The following CAMK1D variants were observed in gnomAD, a reference collection of about 807,000 sequenced individuals.
CAMK1D encodes calcium/calmodulin dependent protein kinase ID.
A neutral mutation model predicts 47.7 loss-of-function variants in CAMK1D; 9 were observed. The observed-to-expected ratio is 0.19, with a 90% CI of 0.11 to 0.33. CAMK1D has a LOEUF of 0.33. Ranked by LOEUF, CAMK1D falls within the 10% of genes least tolerant of loss-of-function variation. The pLI is 1.00. For missense variants in CAMK1D, 291 were observed against 488.7 expected, an observed-to-expected ratio of 0.60 and a Z score of 3.81; for synonymous variants, 184 against 184.9, an observed-to-expected ratio of 0.99 and a Z score of 0.04.
At chr10:12,825,549 CT>C (rs1170614584) in intron 9 of CAMK1D, 23 bp from the exon 10 acceptor site, 3 of 1,603,064 alleles carry the variant, frequency 1.9e-6, no homozygotes, top group Admixed American at 1.7e-5. Context: ...TATTTGTCTG[CT>C]TTTTTCCTTT....
At chr10:12,562,830 G>C (rs1045172333) in intron 2 of CAMK1D, among the ~76,000 whole-genome samples, 1 of 152,166 alleles carries the variant, frequency 6.6e-6, no homozygotes, top group African/African-American at 2.4e-5. Context: ...AGGCAACATG[G>C]TGGGAATGGA....
intron 2 of CAMK1D, among the ~76,000 whole-genome samples, chr10:12,645,537 G>T (rs1839788409): frequency 6.6e-6 from 1 of 152,206 alleles, no homozygotes; most frequent in African/African-American, 2.4e-5. Context: ...CCTGCCGTTT[G>T]CCTGCTCTCC....
At chr10:12,693,056 C>A (rs1832992795) in intron 3 of CAMK1D, among the ~76,000 whole-genome samples, 1 of 152,096 alleles carries the variant, frequency 6.6e-6, no homozygotes, top group Admixed American at 6.6e-5. Flanking sequence ...CTAATCCTAT[C>A]AGTTGAGGTC....
At chr10:12,780,015 C>A (rs1022004413) in intron 5 of CAMK1D, among the ~76,000 whole-genome samples, 2 of 152,262 alleles carry the variant, frequency 1.3e-5, no homozygotes, top group Middle Eastern at 3.4e-3. Flanking sequence ...TATCTTTGGT[C>A]TAACTCGGCC....
chr10:12,785,474 T>C (rs1351984713), intron 5 of CAMK1D, among the ~76,000 whole-genome samples: 1 of 152,196 alleles, frequency 6.6e-6, no homozygotes, highest in African/African-American at 2.4e-5. Flanking sequence ...TTCTGCTGCA[T>C]ACGATTAGAA....
intron 1 of CAMK1D, among the ~76,000 whole-genome samples, chr10:12,350,846 ATC>A (rs1837333686): frequency 6.6e-6 from 1 of 152,196 alleles, no homozygotes; most frequent in African/African-American, 2.4e-5. Flanking sequence ...CTGCATCAGT[ATC>A]TGTCAGTGTG....
At chr10:12,437,323 C>G (rs1451553370) in intron 1 of CAMK1D, among the ~76,000 whole-genome samples, 6 of 152,098 alleles carry the variant, frequency 3.9e-5, no homozygotes, top group African/African-American at 1.4e-4. Flanking sequence ...TCCCAAGTAG[C>G]TGGGATTACC....
intron 1 of CAMK1D, among the ~76,000 whole-genome samples, chr10:12,482,665 T>C (rs1201776661): frequency 2.0e-5 from 3 of 152,184 alleles, no homozygotes; most frequent in African/African-American, 4.8e-5. Flanking sequence ...ACATTTGCAT[T>C]GATACCTACT....
chr10:12,547,971 C>A (rs188992689), intron 1 of CAMK1D, among the ~76,000 whole-genome samples: 15 of 152,318 alleles, frequency 9.8e-5, no homozygotes, highest in South Asian at 4.1e-4. Flanking sequence ...GGCAGCTCAT[C>A]TGACGACAGG....
chr10:12,710,575 G>A (rs1456198735), intron 3 of CAMK1D, among the ~76,000 whole-genome samples: 1 of 152,056 alleles, frequency 6.6e-6, no homozygotes, highest in Non-Finnish European at 1.5e-5. Context: ...GACTTCTTTC[G>A]GGCTCAGGTC....
At chr10:12,670,268 T>C (rs1232245727) in intron 3 of CAMK1D, among the ~76,000 whole-genome samples, 1 of 152,066 alleles carries the variant, frequency 6.6e-6, no homozygotes, top group Non-Finnish European at 1.5e-5. Flanking sequence ...CATGTCTCGA[T>C]GATGAATCAT....
intron 1 of CAMK1D, among the ~76,000 whole-genome samples, chr10:12,440,814 G>A (rs1295923378): frequency 2.0e-5 from 3 of 152,196 alleles, no homozygotes; most frequent in Non-Finnish European, 4.4e-5. Context: ...ATGGGATGCA[G>A]GAAATGCTAC....
chr10:12,746,349 G>A (rs1225742555), intron 3 of CAMK1D, among the ~76,000 whole-genome samples: 3 of 88,254 alleles, frequency 3.4e-5, no homozygotes, highest in South Asian at 2.8e-4. Flanking sequence ...GGGCGACAGA[G>A]CAAGACTCCG....
chr10:12,630,595 A>G (rs1219303308), intron 2 of CAMK1D, among the ~76,000 whole-genome samples: 1 of 150,924 alleles, frequency 6.6e-6, no homozygotes, highest in African/African-American at 2.4e-5. Flanking sequence ...ATTTTATTTT[A>G]TTTTCTAGAA....
intron 1 of CAMK1D, among the ~76,000 whole-genome samples, chr10:12,493,378 T>C (rs1111370): frequency 0.21 from 31,212 of 152,232 alleles, 3,399 homozygotes; most frequent in East Asian, 0.34. Context: ...GAAACTTCCA[T>C]GATCGCTGAG....
chr10:12,638,485 G>A (rs1434041178), intron 2 of CAMK1D, among the ~76,000 whole-genome samples: 2 of 151,688 alleles, frequency 1.3e-5, no homozygotes, highest in South Asian at 2.1e-4. Context: ...GGAGAACTCC[G>A]TTCCCGTCAC....
Position 12,791,333 on chromosome 10 carries a change from T to C in CAMK1D, c.641+100T>C, listed in dbSNP as rs2482039. The C allele has an allele frequency of 4.3e-4, 454 of 1,049,350 alleles. 1 individual carries two copies. In the African/African-American group the frequency reaches 6.6e-3, roughly 15 times the overall value. The allele number at this position is 1,049,350 out of a possible 1,614,324, so 65.0% of individuals were successfully genotyped here. A position where few individuals can be genotyped will look rare whatever the true frequency, so the allele number is the denominator to read the frequency against. Reference sequence around the variant, plus strand: ...ATTTACCATTTTTAAGGGTACAGTTTAAGGGTGCAGTTCAGGGCCATGTTT... The same window carrying C: ...ATTTACCATTTTTAAGGGTACAGTTCAAGGGTGCAGTTCAGGGCCATGTTT... On this transcript the variant is annotated intron_variant, in intron 6 of 10. Coordinates refer to ENST00000619168, the MANE Select transcript of CAMK1D (RefSeq NM_153498.4).
At chr10:12,568,495 C>G (rs1837213945) in intron 2 of CAMK1D, among the ~76,000 whole-genome samples, 1 of 103,854 alleles carries the variant, frequency 9.6e-6, no homozygotes, top group South Asian at 4.2e-4. Flanking sequence ...TTCTCTCTCT[C>G]TCTCCTCCTC....
chr10:12,599,283 A>G (rs1838234588), intron 2 of CAMK1D, among the ~76,000 whole-genome samples: 1 of 152,140 alleles, frequency 6.6e-6, no homozygotes. Context: ...TCTTATTTTG[A>G]GAGTGGAAGG....
Sources: gnomAD v4.1 joint callset for allele counts (sites outside exome capture counted in the v4.1 genomes callset) on GRCh38, gnomAD v4.1.1 for gene constraint, MANE v1.5 for transcripts, NCBI Gene and HGNC (gene_info 2026-07-23, HGNC 2026-07-21) for gene names.